Variants in CEP170 observed in about 807,000 individuals in gnomAD.
The protein encoded by CEP170 is centrosomal protein of 170 kDa.
CEP170 carries 21 observed loss-of-function variants against 151.9 expected under a neutral mutation model. That is an observed-to-expected ratio of 0.14 (90% CI 0.10 to 0.20). The LOEUF (loss-of-function observed/expected upper bound fraction) is 0.20, where lower values mean the gene tolerates loss of function less well. Ranked by LOEUF, CEP170 falls within the 10% of genes least tolerant of loss-of-function variation. CEP170 has a pLI of 1.00. For missense variants in CEP170, 964 were observed against 1,892.9 expected (o/e 0.51, Z 9.11); for synonymous variants, 356 against 648.8 (o/e 0.55, Z 6.86).
chr1:243,168,653 A>G (rs1406754207), intron 12 of CEP170, among the ~76,000 whole-genome samples: 2 of 148,666 alleles, frequency 1.3e-5, no homozygotes, highest in East Asian at 1.9e-4. Flanking sequence ...AGACCTCAGG[A>G]AAAAAAAAAG....
intron 7 of CEP170, among the ~76,000 whole-genome samples, chr1:243,198,794 C>G (rs1011802086): frequency 3.3e-5 from 5 of 151,100 alleles, no homozygotes; most frequent in Non-Finnish European, 7.4e-5. Flanking sequence ...ATCTACTTTC[C>G]AAATCTTAAC....
intron 12 of CEP170, among the ~76,000 whole-genome samples, chr1:243,167,460 A>G (rs2148575059): frequency 6.6e-6 from 1 of 151,820 alleles, no homozygotes; most frequent in East Asian, 1.9e-4. Context: ...ATGAGAAAAT[A>G]TATATTTTGA....
At position 243,191,087 on chromosome 1, in the gene CEP170, A is replaced by G; in HGVS notation, c.1039T>C (p.Trp347Arg). 6.2e-7 allele frequency: 1 copy of G among 1,612,934 alleles called. No individual in the cohort carries two copies. Among genetic ancestry groups the G allele is most frequent in the Non-Finnish European group, 8.5e-7 (1 of 1,179,314 alleles). ...TTAGAATCCTCTTCTGTTCTTTCCC[A>G]TAGCATTTGAGGAGGGTTGTTTTGT... ...LAQNNPPQML[W>R]ERTEEDSKSI... Residue 347 changes from tryptophan to arginine, a missense_variant, in exon 8 of 20, where the codon TGG (tryptophan) becomes CGG (arginine). Trp to Arg is a moderately radical substitution (Grantham distance 101). Transcript: ENST00000366542.
intron 1 of CEP170, among the ~76,000 whole-genome samples, chr1:243,230,265 C>A (rs2063620748): frequency 6.6e-6 from 1 of 152,008 alleles, no homozygotes; most frequent in African/African-American, 2.4e-5. Flanking sequence ...TCATGCCCTG[C>A]ACGTCAGTCT....
Position 243,186,413 on chromosome 1 carries a change from T to C in CEP170, c.1118A>G (p.His373Arg). The C allele has an allele frequency of 6.3e-7, 1 of 1,597,198 alleles. No homozygotes were observed. The highest frequency in any genetic ancestry group is 8.5e-7 in the Non-Finnish European group (1 of 1,174,584). The change falls in exon 9 of 20, where the codon CAT (histidine) becomes CGT (arginine). Residue 373 changes from histidine to arginine, a missense_variant. Physicochemically the swap from His to Arg is conservative, Grantham distance 29. Coordinates refer to ENST00000366542, the MANE Select transcript of CEP170 (RefSeq NM_014812.3). ...TGAATCACTTTGCGTACCATCATCA[T>C]GTTTATTTCCTGGATACAAAAAGAA... ...VYLKRLKGNK[H>R]DDGTQSDSEN... is the part of the protein sequence containing the mutation.
chr1:243,225,350 G>A, intron 1 of CEP170, 29 bp from the exon 2 acceptor site: 4 of 917,158 alleles, frequency 4.4e-6, no homozygotes, highest in South Asian at 1.8e-5. Flanking sequence ...AAAAATATAC[G>A]TTCAGATATT....
Position 243,125,327 on chromosome 1 carries a change from G to C in CEP170, c.*1122C>G, listed in dbSNP as rs981531789. 7 of 152,652 alleles carry C rather than the reference G, an allele frequency of 4.6e-5. No individual in the cohort carries two copies. The highest frequency in any genetic ancestry group is 1.0e-4 in the Non-Finnish European group (7 of 68,044). The allele number at this position is 152,652 out of a possible 1,614,324, so 9.5% of individuals were successfully genotyped here. A position where few individuals can be genotyped will look rare whatever the true frequency, so the allele number is the denominator to read the frequency against. On this transcript the variant is annotated 3_prime_UTR_variant, in exon 20 of 20. Transcript: ENST00000366542. ...GCACAGGCCAAAGGCCTTTGTCGTC[G>C]TCTTGCAGGGTCCTTATAAATGTGT...
chr1:243,184,434 C>G (rs1438346666), intron 10 of CEP170, among the ~76,000 whole-genome samples: 3 of 151,450 alleles, frequency 2.0e-5, no homozygotes, highest in Non-Finnish European at 2.9e-5. Context: ...CCATTATGAT[C>G]AGTCATTAAG....
intron 1 of CEP170, among the ~76,000 whole-genome samples, chr1:243,246,185 C>T (rs1572661653): frequency 1.4e-5 from 2 of 146,576 alleles, no homozygotes; most frequent in South Asian, 2.1e-4. Flanking sequence ...TTGATTTGCA[C>T]AGAAATTCAG....
At chr1:243,248,112 G>GA (rs759305102) in intron 1 of CEP170, among the ~76,000 whole-genome samples, 5 of 152,200 alleles carry the variant, frequency 3.3e-5, no homozygotes, top group Non-Finnish European at 7.3e-5. Flanking sequence ...TGCCAGGGGA[G>GA]AATAACTGTG....
chr1:243,214,443 G>A (rs529126932), intron 3 of CEP170, among the ~76,000 whole-genome samples: 3 of 151,714 alleles, frequency 2.0e-5, no homozygotes, highest in African/African-American at 4.8e-5. Context: ...CTGCCGCCAC[G>A]CCTGGCTAAT....
At chr1:243,205,852 T>C (rs1453181428) in intron 4 of CEP170, among the ~76,000 whole-genome samples, 1 of 150,666 alleles carries the variant, frequency 6.6e-6, no homozygotes, top group African/African-American at 2.4e-5. Flanking sequence ...TTTTTCCAAA[T>C]TGGATTGAAA....
At chr1:243,221,528 TTA>T in intron 3 of CEP170, 194 bp downstream of exon 3, 1 of 532,914 alleles carries the variant, frequency 1.9e-6, no homozygotes. Flanking sequence ...ATTCATCTGC[TTA>T]TAGTTTCTTT....
chr1:243,230,357 A>G (rs1207505555), intron 1 of CEP170, among the ~76,000 whole-genome samples: 2 of 151,908 alleles, frequency 1.3e-5, no homozygotes, highest in Non-Finnish European at 2.9e-5. Flanking sequence ...AAACCAAAAA[A>G]TAACATAATG....
At chr1:243,186,500 A>G (rs542200023) in intron 8 of CEP170, 78 bp from the exon 9 acceptor site, 98 of 1,446,978 alleles carry the variant, frequency 6.8e-5, no homozygotes, top group Non-Finnish European at 8.5e-5. Flanking sequence ...CAAAAGTGCT[A>G]TTTGTTTTGC....
intron 10 of CEP170, among the ~76,000 whole-genome samples, chr1:243,178,251 G>A (rs550875387): frequency 2.9e-5 from 4 of 138,762 alleles, no homozygotes; most frequent in African/African-American, 1.1e-4. Flanking sequence ...ATCGCATAAC[G>A]TGAGCCGAGA....
intron 1 of CEP170, among the ~76,000 whole-genome samples, chr1:243,248,767 T>G (rs1365366108): frequency 1.3e-5 from 2 of 152,214 alleles, no homozygotes; most frequent in Non-Finnish European, 2.9e-5. Context: ...CCCAATTTTT[T>G]GGCTTTGCTC....
At chr1:243,155,326 C>T (rs922183528) in intron 14 of CEP170, among the ~76,000 whole-genome samples, 5 of 151,496 alleles carry the variant, frequency 3.3e-5, no homozygotes, top group Non-Finnish European at 7.4e-5. Context: ...AAATAAAGAA[C>T]AAAAAAGATG....
At chr1:243,153,784 C>G (rs1038063864) in intron 14 of CEP170, among the ~76,000 whole-genome samples, 1 of 152,134 alleles carries the variant, frequency 6.6e-6, no homozygotes. Context: ...GGTCTGAAAC[C>G]AAACCTGTAC....
Sources: gnomAD v4.1 joint callset for allele counts (sites outside exome capture counted in the v4.1 genomes callset) on GRCh38, gnomAD v4.1.1 for gene constraint, MANE v1.5 for transcripts, NCBI Gene and HGNC (gene_info 2026-07-23, HGNC 2026-07-21) for gene names.